The following MGAT4C variants were observed in gnomAD, a reference collection of about 807,000 sequenced individuals.
MGAT4C encodes alpha-1,3-mannosyl-glycoprotein 4-beta-N-acetylglucosaminyltransferase C.
A neutral mutation model predicts 40.1 loss-of-function variants in MGAT4C; 19 were observed. That is an observed-to-expected ratio of 0.47 (90% confidence interval 0.33 to 0.70). The LOEUF is 0.70. Ranked by LOEUF, MGAT4C falls within the 30% of genes least tolerant of loss-of-function variation. MGAT4C has a pLI of 0.02. For missense variants in MGAT4C, 491 were observed against 563.2 expected, an observed-to-expected ratio of 0.87 and a Z score of 1.30; for synonymous variants, 181 against 187.1, an observed-to-expected ratio of 0.97 and a Z score of 0.27.
intron 2 of MGAT4C, among the ~76,000 whole-genome samples, chr12:86,488,105 T>C (rs768605942): frequency 4.6e-5 from 7 of 152,034 alleles, no homozygotes; most frequent in Admixed American, 1.3e-4. Flanking sequence ...AAATATTGGC[T>C]GGGCATAGTG....
intron 2 of MGAT4C, among the ~76,000 whole-genome samples, chr12:86,046,038 C>T (rs1254735104): frequency 6.6e-6 from 1 of 152,196 alleles, no homozygotes; most frequent in Non-Finnish European, 1.5e-5. Context: ...AGCAGTATTA[C>T]TTCTTAACAT....
chr12:86,720,829 A>ATTTT (rs1950724335), intron 2 of MGAT4C, among the ~76,000 whole-genome samples: 1 of 152,208 alleles, frequency 6.6e-6, no homozygotes, highest in South Asian at 2.1e-4. Context: ...ATAGAAATTC[A>ATTTT]AGAAGATAAT....
intron 1 of MGAT4C, among the ~76,000 whole-genome samples, chr12:86,221,741 T>A (rs1950883484): frequency 6.6e-6 from 1 of 152,194 alleles, no homozygotes; most frequent in African/African-American, 2.4e-5. Context: ...ACTCAAGCTG[T>A]TTCTGTATGT....
chr12:86,128,326 A>C (rs978455690), intron 1 of MGAT4C, among the ~76,000 whole-genome samples: 2 of 152,152 alleles, frequency 1.3e-5, no homozygotes, highest in Non-Finnish European at 2.9e-5. Context: ...TGTGGGAGGG[A>C]CCTGGTGGGA....
At chr12:86,447,116 CTTTT>C (rs1957353902) in intron 2 of MGAT4C, among the ~76,000 whole-genome samples, 1 of 151,920 alleles carries the variant, frequency 6.6e-6, no homozygotes, top group Non-Finnish European at 1.5e-5. Context: ...CAGCAGCATT[CTTTT>C]TGTTTGTTTG....
At chr12:86,584,764 C>A (rs867419998) in intron 2 of MGAT4C, among the ~76,000 whole-genome samples, 4 of 151,298 alleles carry the variant, frequency 2.6e-5, no homozygotes, top group Admixed American at 1.3e-4. Context: ...GATTGCAACA[C>A]TGAATATCAT....
At chr12:86,044,787 G>A (rs1309375792) in intron 2 of MGAT4C, among the ~76,000 whole-genome samples, 1 of 152,062 alleles carries the variant, frequency 6.6e-6, no homozygotes, top group Non-Finnish European at 1.5e-5. Context: ...CCCTGGAGCA[G>A]ACCTAGCTAT....
chr12:86,680,169 T>G (rs1949954128), intron 2 of MGAT4C, among the ~76,000 whole-genome samples: 1 of 152,062 alleles, frequency 6.6e-6, no homozygotes, highest in Non-Finnish European at 1.5e-5. Flanking sequence ...AGATGATCTA[T>G]TCATATTATG....
chr12:86,091,919 A>T (rs1468163272), intron 1 of MGAT4C, among the ~76,000 whole-genome samples: 1 of 152,088 alleles, frequency 6.6e-6, no homozygotes, highest in Non-Finnish European at 1.5e-5. Flanking sequence ...CCTTGAGAGA[A>T]TCCCAAAGGC....
intron 1 of MGAT4C, among the ~76,000 whole-genome samples, chr12:86,805,581 T>A (rs1593224168): frequency 6.6e-6 from 1 of 152,154 alleles, no homozygotes; most frequent in South Asian, 2.1e-4. Context: ...AATTCCATGG[T>A]GTATATGTGC....
chr12:86,146,523 G>A (rs540614796), intron 1 of MGAT4C, among the ~76,000 whole-genome samples: 1 of 151,992 alleles, frequency 6.6e-6, no homozygotes, highest in South Asian at 2.1e-4. Context: ...TTATCTACTG[G>A]TTTCTTTTCC....
At chr12:86,213,372 C>G (rs915612942) in intron 1 of MGAT4C, among the ~76,000 whole-genome samples, 6 of 152,112 alleles carry the variant, frequency 3.9e-5, no homozygotes, top group Admixed American at 3.3e-4. Context: ...GATCGGTTCA[C>G]AGATACAGAG....
chr12:86,319,608 T>C (rs1954329220), intron 4 of MGAT4C, among the ~76,000 whole-genome samples: 1 of 152,222 alleles, frequency 6.6e-6, no homozygotes, highest in Non-Finnish European at 1.5e-5. Context: ...TCTTCTTCCA[T>C]TAAAAAGCAA....
chr12:86,200,642 A>G (rs1950017972), intron 1 of MGAT4C, among the ~76,000 whole-genome samples: 1 of 152,064 alleles, frequency 6.6e-6, no homozygotes, highest in Admixed American at 6.6e-5. Context: ...CTTACGGGAC[A>G]TTTGTGTAGA....
At chr12:86,327,664 A>C (rs1400531434) in intron 4 of MGAT4C, among the ~76,000 whole-genome samples, 8 of 152,152 alleles carry the variant, frequency 5.3e-5, no homozygotes, top group Non-Finnish European at 1.2e-4. Context: ...GACTTAATAT[A>C]TTTAAAGATA....
intron 1 of MGAT4C, among the ~76,000 whole-genome samples, chr12:86,822,615 TAAAAGA>T (rs1331575619): frequency 1.3e-5 from 2 of 151,028 alleles, no homozygotes; most frequent in African/African-American, 4.8e-5. Context: ...TGTATAACGA[TAAAAGA>T]GTTGCCAGGA....
At chr12:86,261,058 A>G (rs1033490433), upstream of MGAT4C, among the ~76,000 whole-genome samples, 2 of 152,126 alleles carry the variant, frequency 1.3e-5, no homozygotes, top group Non-Finnish European at 1.5e-5. Flanking sequence ...ATGAGGAACA[A>G]TGGAGCACAT....
chr12:86,607,165 T>C (rs1962071462), intron 2 of MGAT4C, among the ~76,000 whole-genome samples: 1 of 152,060 alleles, frequency 6.6e-6, no homozygotes, highest in East Asian at 1.9e-4. Context: ...GCTATTTAGC[T>C]CTTCTAGAAA....
At chr12:86,131,186 A>G (rs1329376542) in intron 1 of MGAT4C, among the ~76,000 whole-genome samples, 3 of 152,106 alleles carry the variant, frequency 2.0e-5, no homozygotes, top group Non-Finnish European at 2.9e-5. Flanking sequence ...CCTCCATAAA[A>G]TGTGATAATA....
Sources: gnomAD v4.1 joint callset for allele counts (sites outside exome capture counted in the v4.1 genomes callset) on GRCh38, gnomAD v4.1.1 for gene constraint, MANE v1.5 for transcripts, NCBI Gene and HGNC (gene_info 2026-07-23, HGNC 2026-07-21) for gene names.